Variants in MECOM observed in about 807,000 individuals in gnomAD.
The protein encoded by MECOM is histone-lysine N-methyltransferase MECOM.
In MECOM, 13 loss-of-function variants were observed where a neutral mutation model predicts 116.3. The ratio of observed to expected loss-of-function variants is 0.11; its 90% CI spans 0.07 to 0.18. The LOEUF is 0.18. Ranked by LOEUF, MECOM falls within the 10% of genes least tolerant of loss-of-function variation. The pLI, the probability that MECOM is intolerant of heterozygous loss-of-function variation, is 1.00. For missense variants in MECOM, 1,299 were observed against 1,509.0 expected, an observed-to-expected ratio of 0.86 and a Z score of 2.31; for synonymous variants, 528 against 535.2, an observed-to-expected ratio of 0.99 and a Z score of 0.19.
chr3:169,543,392 T>G (rs973868191), intron 1 of MECOM, among the ~76,000 whole-genome samples: 2 of 152,154 alleles, frequency 1.3e-5, no homozygotes, highest in African/African-American at 4.8e-5. Context: ...CTGGGTAACA[T>G]AGGAAGATCC....
At chr3:169,140,611 A>C (rs1001442028) in intron 3 of MECOM, among the ~76,000 whole-genome samples, 3 of 152,024 alleles carry the variant, frequency 2.0e-5, no homozygotes, top group Non-Finnish European at 4.4e-5. Flanking sequence ...AGAGACGTCT[A>C]AAATCACAAA....
At chr3:169,584,239 TG>T (rs1277813245) in intron 1 of MECOM, among the ~76,000 whole-genome samples, 2 of 152,162 alleles carry the variant, frequency 1.3e-5, no homozygotes, top group African/African-American at 2.4e-5. Context: ...ATTAAAGAGT[TG>T]TTTTTTTAAG....
intron 2 of MECOM, among the ~76,000 whole-genome samples, chr3:169,238,740 T>C (rs983426249): frequency 6.6e-6 from 1 of 152,168 alleles, no homozygotes; most frequent in Admixed American, 6.5e-5. Context: ...AGATCTCTTA[T>C]AGAATTCAAC....
intron 11 of MECOM, 28 bp from the exon 12 acceptor site, chr3:169,100,990 A>C: frequency 6.4e-7 from 1 of 1,550,614 alleles, no homozygotes; most frequent in African/African-American, 1.4e-5. Context: ...TTATAAGAGA[A>C]AGTCAGCACA....
rs1769295236 is a variant in MECOM, at chr3:169,611,687, T to C, written c.37+51649A>G. Among the ~76,000 whole-genome samples the C allele has an allele frequency of 6.6e-6, 1 of 152,222 alleles. No individual in the cohort carries two copies. Among genetic ancestry groups the C allele is most frequent in the Non-Finnish European group, 1.5e-5 (1 of 68,048 alleles). On this transcript the variant is annotated intron_variant, in intron 1 of 16. Transcript: ENST00000651503. The surrounding 1 kb of genome is among the most constrained non-coding windows in gnomAD (Gnocchi z 4.1). The stretch of plus-strand genomic sequence containing the variant: ...TATATATCTTTTTTAAAATATTTTA[T>C]TTTCCTTAGTTATAATGGAACAGAT...
At chr3:169,478,295 A>T (rs1750782061) in intron 1 of MECOM, among the ~76,000 whole-genome samples, 1 of 152,174 alleles carries the variant, frequency 6.6e-6, no homozygotes. Flanking sequence ...GAAGAATGAT[A>T]TTGTCAAGGC....
chr3:169,476,880 T>A (rs1265483585), intron 1 of MECOM: 4 of 148,650 alleles, frequency 2.7e-5, no homozygotes, highest in Non-Finnish European at 5.9e-5. Flanking sequence ...TCCCCTAACC[T>A]CACAGGCAAC....
At chr3:169,097,374 C>T (rs972890890) in intron 12 of MECOM, among the ~76,000 whole-genome samples, 4 of 152,052 alleles carry the variant, frequency 2.6e-5, no homozygotes, top group African/African-American at 4.8e-5. Flanking sequence ...AAATCACTTC[C>T]TTCTACACAA....
At position 169,378,461 on chromosome 3, in the gene MECOM, GCA is replaced by G. The variant is rs1560196946; in HGVS notation, c.375+2724_375+2725del. Among the ~76,000 whole-genome samples the G allele has an allele frequency of 7.3e-3, 349 of 47,672 alleles. 19 individuals carry two copies. Among genetic ancestry groups the G allele is most frequent in the African/African-American group, 0.028 (185 of 6,700 alleles). The allele number at this position is 47,672 out of a possible 152,430, so 31.3% of individuals were successfully genotyped here. On this transcript the variant is annotated intron_variant, in intron 2 of 16. Coordinates refer to ENST00000651503, the MANE Select transcript of MECOM (RefSeq NM_004991.4). ...AGAAAGAAAGAAAGAAGGAAAGCAAGCAAGCAAGCAAGCAAGAAAGAGAGAGA... is the reference window on the plus strand; with the variant it reads ...AGAAAGAAAGAAAGAAGGAAAGCAAGAGCAAGCAAGCAAGAAAGAGAGAGA...
intron 3 of MECOM, chr3:169,133,911 CCT>C: frequency 7.8e-7 from 1 of 1,288,810 alleles, no homozygotes; most frequent in Non-Finnish European, 1.0e-6. Flanking sequence ...GTTTGAATCA[CCT>C]CTTTTTTTGG....
At chr3:169,461,195 T>C (rs1747380600) in intron 1 of MECOM, among the ~76,000 whole-genome samples, 1 of 152,176 alleles carries the variant, frequency 6.6e-6, no homozygotes, top group South Asian at 2.1e-4. Context: ...TACTCTCTTA[T>C]TTTCGTACTT....
intron 1 of MECOM, among the ~76,000 whole-genome samples, chr3:169,384,586 T>C (rs367892404): frequency 3.3e-5 from 5 of 152,298 alleles, no homozygotes; most frequent in Admixed American, 6.5e-5. Flanking sequence ...CTTAAAGCGA[T>C]TTCTCCCCCA....
intron 3 of MECOM, among the ~76,000 whole-genome samples, chr3:169,135,725 C>T (rs1243725510): frequency 6.6e-6 from 1 of 151,766 alleles, no homozygotes; most frequent in East Asian, 1.9e-4. Flanking sequence ...TCTTGCTAGA[C>T]TCTTTTTATT....
chr3:169,092,882 G>A (rs1720205310), intron 14 of MECOM, 76 bp downstream of exon 14: 3 of 1,566,852 alleles, frequency 1.9e-6, no homozygotes, highest in Non-Finnish European at 2.6e-6. Context: ...TGCCACAAAA[G>A]TGAGCATAGC....
rs554078817 is a variant in MECOM, at chr3:169,635,310, T to C, written c.37+28026A>G. On this transcript the variant is annotated intron_variant, in intron 1 of 16. Coordinates refer to ENST00000651503, the MANE Select transcript of MECOM (RefSeq NM_004991.4). ...AGAACAGTGCCTATGAGCTTTATTATTATCATCATCATTATTACCATTATT... is the reference window on the plus strand; with the variant it reads ...AGAACAGTGCCTATGAGCTTTATTACTATCATCATCATTATTACCATTATT... Among the ~76,000 whole-genome samples, 13 of 152,354 alleles carry C rather than the reference T, an allele frequency of 8.5e-5. 1 individual carries two copies. In the South Asian group the frequency reaches 2.7e-3, roughly 32 times the overall value.
At chr3:169,212,328 T>C (rs1466740345) in intron 2 of MECOM, among the ~76,000 whole-genome samples, 1 of 151,956 alleles carries the variant, frequency 6.6e-6, no homozygotes, top group Non-Finnish European at 1.5e-5. Context: ...CTGATGGCTT[T>C]CTACTACATG....
chr3:169,180,904 A>G (rs1021373626), intron 2 of MECOM, among the ~76,000 whole-genome samples: 14 of 150,740 alleles, frequency 9.3e-5, no homozygotes, highest in African/African-American at 2.7e-4. Context: ...TGTTATCAAC[A>G]CTTCTAAGGA....
intron 2 of MECOM, among the ~76,000 whole-genome samples, chr3:169,301,149 C>T (rs1716648204): frequency 6.6e-6 from 1 of 152,202 alleles, no homozygotes; most frequent in Admixed American, 6.5e-5. Flanking sequence ...CATATCTCAT[C>T]ATCATTCTAC....
chr3:169,570,825 G>A (rs1763801870), intron 1 of MECOM, among the ~76,000 whole-genome samples: 1 of 152,138 alleles, frequency 6.6e-6, no homozygotes, highest in African/African-American at 2.4e-5. Flanking sequence ...ACTAGGTATT[G>A]ATGGAACGTA....
Sources: allele counts gnomAD v4.1 joint callset (sites outside exome capture counted in the v4.1 genomes callset), GRCh38; gene constraint gnomAD v4.1.1; non-coding constraint Gnocchi (gnomAD v3.1); transcripts MANE v1.5; gene names NCBI Gene and HGNC (gene_info 2026-07-23, HGNC 2026-07-21).